The following ERGIC3 variants were observed in gnomAD, a reference collection of about 807,000 sequenced individuals.
ERGIC3 encodes the protein endoplasmic reticulum-Golgi intermediate compartment protein 3.
Under a neutral mutation model 54.7 loss-of-function variants are expected in ERGIC3, and 33 were observed. The observed-to-expected ratio is 0.60, with a 90% CI of 0.46 to 0.81. The LOEUF (loss-of-function observed/expected upper bound fraction) is 0.81, where lower values mean the gene tolerates loss of function less well. ERGIC3 is among the 30% of genes least tolerant of loss of function. The probability of loss-of-function intolerance (pLI) is 0.00; values close to 1 mark genes in which losing one functional copy is unlikely to be tolerated. For missense variants in ERGIC3, 399 were observed against 488.4 expected, an observed-to-expected ratio of 0.82 and a Z score of 1.73; for synonymous variants, 186 against 189.8, an observed-to-expected ratio of 0.98 and a Z score of 0.16.
rs2064658994 is a variant in ERGIC3 at position 35,548,007 on chromosome 20, GAATGTGTACTT to G, written c.462-499_462-489del. On this transcript the variant is annotated intron_variant, in intron 5 of 12. Transcript: ENST00000348547. ...TCAGCAGGTCTGGAGTGGGGCCTGG[GAATGTGTACTT>G]AAATTTTTTTTTATTGTGGGAAAAT... Among the ~76,000 whole-genome samples, 3 of 152,210 alleles carry G rather than the reference GAATGTGTACTT, an allele frequency of 2.0e-5. 1 individual carries two copies. In the South Asian group the frequency reaches 6.2e-4, roughly 32 times the overall value.
At chr20:35,544,040 A>G (rs964271621) in intron 4 of ERGIC3, 3 of 220,826 alleles carry the variant, frequency 1.4e-5, no homozygotes, top group East Asian at 1.1e-4. Flanking sequence ...CTATCTATCT[A>G]TCTATCTATC....
intron 4 of ERGIC3, chr20:35,545,212 A>G (rs988184810): frequency 6.6e-6 from 1 of 152,250 alleles, no homozygotes; most frequent in African/African-American, 2.4e-5. Context: ...TATCACGGCA[A>G]CTGGCTTCCC....
intron 4 of ERGIC3, among the ~76,000 whole-genome samples, chr20:35,546,281 T>TGG (rs1269200727): frequency 1.3e-5 from 2 of 152,158 alleles, no homozygotes; most frequent in African/African-American, 4.8e-5. Flanking sequence ...GGAGTTTCAC[T>TGG]GTAAGGGAGA....
chr20:35,548,883 G>T lies in ERGIC3; in HGVS notation c.685+18G>T. The T allele has an allele frequency of 6.2e-7, 1 of 1,613,930 alleles. No individual in the cohort carries two copies. On this transcript the variant is annotated intron_variant, in intron 7 of 12. Transcript: ENST00000348547. Reference sequence around the variant, plus strand: ...TGTGCACGGTGAGTGATCTGCACTAGCTGGGGAGATTTAGATGCTGGCCAC... The same window carrying T: ...TGTGCACGGTGAGTGATCTGCACTATCTGGGGAGATTTAGATGCTGGCCAC...
intron 8 of ERGIC3, among the ~76,000 whole-genome samples, chr20:35,555,570 G>A (rs1006413838): frequency 2.0e-5 from 3 of 152,126 alleles, no homozygotes; most frequent in African/African-American, 7.2e-5. Flanking sequence ...TGTATCTGGG[G>A]GTTCACAGCC....
In ERGIC3 at chr20:35,557,584, C is replaced by T. The variant is rs577314560; in HGVS notation, c.*80C>T. On this transcript the variant is annotated 3_prime_UTR_variant, in exon 13 of 13. Coordinates refer to ENST00000348547, the MANE Select transcript of ERGIC3 (RefSeq NM_015966.3). ...CAGCCTCTGCCACCCTCCACCTCCT[C>T]GGTCAGCCCCAGCCCCAGGTTGATA... 1.1e-4 allele frequency: 127 copies of T among 1,192,222 alleles called. No individual in the cohort carries two copies. The African/African-American group carries it at 1.5e-3, about 14-fold the overall frequency. 73.9% of individuals were successfully genotyped at this position (1,192,222 alleles called of 1,614,324 possible).
At chr20:35,552,804 G>A (rs1355708678) in intron 7 of ERGIC3, among the ~76,000 whole-genome samples, 1 of 152,096 alleles carries the variant, frequency 6.6e-6, no homozygotes, top group Non-Finnish European at 1.5e-5. Flanking sequence ...GGGAGGAAAG[G>A]ATGTCCAGGA....
chr20:35,557,202 C>T lies in ERGIC3; in HGVS notation c.1025C>T (p.Thr342Ile). Residue 342 changes from threonine to isoleucine, a missense_variant, in exon 12 of 13, where the codon ACC (threonine) becomes ATC (isoleucine). Physicochemically the swap from Thr to Ile is moderately conservative, Grantham distance 89. Coordinates refer to ENST00000348547, the MANE Select transcript of ERGIC3 (RefSeq NM_015966.3). ...CCCTCTCCTTCTACCAGGTCCTTCA[C>T]CCACTTCCTGACAGGTGTGTGCGCC... ...VKLTEKHRSF[T>I]HFLTGVCAII... 1 of 1,614,198 alleles carries T rather than the reference C, an allele frequency of 6.2e-7. No homozygotes were observed. The highest frequency in any genetic ancestry group is 8.5e-7 in the Non-Finnish European group (1 of 1,180,022).
At chr20:35,555,713 G>A (rs2147310869) in intron 8 of ERGIC3, among the ~76,000 whole-genome samples, 1 of 151,866 alleles carries the variant, frequency 6.6e-6, no homozygotes, top group Middle Eastern at 3.4e-3. Context: ...AGCTACTCAG[G>A]AGGCTGAGGC....
chr20:35,548,736 G>T, intron 6 of ERGIC3, 62 bp downstream of exon 6: 1 of 1,613,472 alleles, frequency 6.2e-7, no homozygotes, highest in South Asian at 1.1e-5. Flanking sequence ...ACTGGGAACC[G>T]AGGGCCCAGT....
chr20:35,544,630 T>C, intron 4 of ERGIC3: 1 of 235,814 alleles, frequency 4.2e-6, no homozygotes. Flanking sequence ...ATGTCCCACA[T>C]GAATTTGGTG....
At chr20:35,554,465 A>T (rs1245331744) in intron 7 of ERGIC3, 1 of 1,550,590 alleles carries the variant, frequency 6.4e-7, no homozygotes, top group Non-Finnish European at 8.9e-7. Flanking sequence ...GGGAGGTTGG[A>T]TGGGGCTGTG....
chr20:35,543,285 C>T, intron 4 of ERGIC3: 1 of 342,652 alleles, frequency 2.9e-6, no homozygotes, highest in South Asian at 2.4e-5. Context: ...CTTTCCCAGC[C>T]CATTGGCTTA....
chr20:35,553,362 A>G (rs569189893), intron 7 of ERGIC3, among the ~76,000 whole-genome samples: 1 of 152,068 alleles, frequency 6.6e-6, no homozygotes, highest in East Asian at 1.9e-4. Context: ...TCTTTAGGCC[A>G]GGGAAGAGGT....
At chr20:35,554,826 G>A (rs2064702400) in intron 7 of ERGIC3, 4 of 632,130 alleles carry the variant, frequency 6.3e-6, no homozygotes, top group East Asian at 2.7e-5. Context: ...GAGGAACCAG[G>A]GTCTGTTCTA....
intron 8 of ERGIC3, 73 bp from the exon 9 acceptor site, chr20:35,555,960 A>G: frequency 1.4e-6 from 2 of 1,433,698 alleles, no homozygotes; most frequent in Non-Finnish European, 1.9e-6. Flanking sequence ...ACATCTCCGC[A>G]GACGGACCCA....
chr20:35,557,311 G>A, intron 12 of ERGIC3, 62 bp downstream of exon 12: 2 of 1,612,038 alleles, frequency 1.2e-6, no homozygotes, highest in African/African-American at 1.3e-5. Flanking sequence ...GGTGCCCCAG[G>A]TTTGGTTGGG....
intron 7 of ERGIC3, chr20:35,549,097 G>T (rs1054307172): frequency 2.5e-5 from 16 of 648,938 alleles, no homozygotes; most frequent in Non-Finnish European, 4.1e-5. Context: ...CTTTGAGAAG[G>T]TTTCTTAATC....
rs1267526747 is a variant in ERGIC3 at position 35,542,598 on chromosome 20, C to T, written c.245C>T (p.Ala82Val). 6 of 1,613,814 alleles carry T rather than the reference C, an allele frequency of 3.7e-6. No individual in the cohort carries two copies. The highest frequency in any genetic ancestry group is 1.3e-5 in the African/African-American group (1 of 74,868). ...IDVLFPHMPCAYLSIDAMDVA... is the reference protein window; with the variant it reads ...IDVLFPHMPCVYLSIDAMDVA... Reference sequence around the variant, plus strand: ...GTACTTTTTCCGCACATGCCTTGTGCCTGTGAGTACCTCACCATGGGTGGG... The same window carrying T: ...GTACTTTTTCCGCACATGCCTTGTGTCTGTGAGTACCTCACCATGGGTGGG... The change falls in exon 3 of 13, where the codon GCC becomes GTC. Residue 82 changes from alanine (A) to valine (V), a missense_variant and splice_region_variant. Coordinates refer to ENST00000348547, the MANE Select transcript of ERGIC3 (RefSeq NM_015966.3).
Sources: gnomAD v4.1 joint callset for allele counts (sites outside exome capture counted in the v4.1 genomes callset) on GRCh38, gnomAD v4.1.1 for gene constraint, MANE v1.5 for transcripts, NCBI Gene and HGNC (gene_info 2026-07-23, HGNC 2026-07-21) for gene names.